CSNK1G2: variants seen among roughly 807,000 people sequenced by gnomAD.
The protein encoded by CSNK1G2 is casein kinase I isoform gamma-2.
In CSNK1G2, 11 loss-of-function variants were observed where a neutral mutation model predicts 48.0. That is an observed-to-expected ratio of 0.23 (90% CI 0.14 to 0.38). The LOEUF (loss-of-function observed/expected upper bound fraction) is 0.38. Ranked by LOEUF, CSNK1G2 falls within the 10% of genes least tolerant of loss-of-function variation. The pLI is 1.00. For missense variants in CSNK1G2, 446 were observed against 595.5 expected (o/e 0.75, Z 2.61); for synonymous variants, 337 against 254.1 (o/e 1.33, Z -3.10).
At chr19:1,946,289 T>TATTTATTTATTATTTATTTA (rs56098852) in intron 1 of CSNK1G2, among the ~76,000 whole-genome samples, 50,009 of 140,264 alleles carry the variant, frequency 0.36, 11,428 homozygotes, top group Non-Finnish European at 0.5. Flanking sequence ...TTTATTTATT[T>TATTTATTTATTATTTATTTA]TTTATTTATT....
In CSNK1G2 at chr19:1,957,060, C is replaced by G. The variant is rs2015023974; in HGVS notation, c.-265-12448C>G. On this transcript the variant is annotated intron_variant, in intron 1 of 11. Coordinates refer to ENST00000255641, the MANE Select transcript of CSNK1G2 (RefSeq NM_001319.7). This position sits in a 1 kb window ranked among gnomAD's most constrained non-coding sequence, Gnocchi z 5.4. ...CCCCTTCGACGGTCGTGCCCTGATG[C>G]TGCGTGGCTTAAACGGTGCCACCCG... Among the ~76,000 whole-genome samples the G allele has an allele frequency of 6.6e-6, 1 of 152,166 alleles. No homozygotes were observed.
In CSNK1G2 at chr19:1,978,762, GC is replaced by G; in HGVS notation, c.447+13del. 6.4e-7 allele frequency: 1 copy of G among 1,552,530 alleles called. No homozygotes were observed. The highest frequency in any genetic ancestry group is 8.7e-7 in the Non-Finnish European group (1 of 1,145,450). On this transcript the variant is annotated intron_variant, in intron 5 of 11. Transcript: ENST00000255641. This position sits in a 1 kb window ranked among gnomAD's most constrained non-coding sequence, Gnocchi z 7.3. ...TCGCCATCCAGCTGGTGCGCGGCGG[GC>G]GGGGCGGGGCGGGGCTCGGAGGGAA...
At chr19:1,943,263 G>A (rs918487100) in intron 1 of CSNK1G2, among the ~76,000 whole-genome samples, 6 of 152,178 alleles carry the variant, frequency 3.9e-5, no homozygotes, top group Admixed American at 6.5e-5. Flanking sequence ...ACTTCCTTGT[G>A]TGTCTAGGGG....
chr19:1,975,240 G>C, intron 2 of CSNK1G2: 7 of 985,486 alleles, frequency 7.1e-6, no homozygotes, highest in Non-Finnish European at 8.4e-6. Context: ...GCATCCGCCT[G>C]CCCGTCAGGG....
In CSNK1G2 at chr19:1,941,963, C is replaced by T. The variant is rs545601972; in HGVS notation, c.-266+545C>T. Among the ~76,000 whole-genome samples, 34 of 152,216 alleles carry T rather than the reference C, an allele frequency of 2.2e-4. No homozygotes were observed. The East Asian group carries it at 6.4e-3, about 29-fold the overall frequency. ...CCCGAGGCCCCTGCCCACCTGGCCC[C>T]ATCGCCTCCTCCTGTCTTGGCCTGG... On this transcript the variant is annotated intron_variant, in intron 1 of 11. Coordinates refer to ENST00000255641, the MANE Select transcript of CSNK1G2 (RefSeq NM_001319.7).
At chr19:1,944,743 AGGGTCTG>A (rs1263545664) in intron 1 of CSNK1G2, among the ~76,000 whole-genome samples, 2 of 151,290 alleles carry the variant, frequency 1.3e-5, no homozygotes, top group South Asian at 2.1e-4. Flanking sequence ...GCTCAAAGTG[AGGGTCTG>A]GGACCACCAG....
intron 2 of CSNK1G2, among the ~76,000 whole-genome samples, chr19:1,977,071 G>A (rs1032254429): frequency 6.6e-6 from 1 of 152,202 alleles, no homozygotes; most frequent in Non-Finnish European, 1.5e-5. Flanking sequence ...TATGCTACTC[G>A]GGCAAAGGCA....
chr19:1,972,938 T>C (rs2015623285), intron 2 of CSNK1G2, among the ~76,000 whole-genome samples: 1 of 149,990 alleles, frequency 6.7e-6, no homozygotes, highest in African/African-American at 2.5e-5. Context: ...TTGTTTTTTT[T>C]TTTTTTTGAG....
intron 2 of CSNK1G2, among the ~76,000 whole-genome samples, chr19:1,971,918 C>T (rs575060570): frequency 4.1e-4 from 62 of 152,134 alleles, no homozygotes; most frequent in Middle Eastern, 3.4e-3. Context: ...TACAGGCGCC[C>T]GCCACCACAC....
chr19:1,943,721 C>T (rs758749109), intron 1 of CSNK1G2, among the ~76,000 whole-genome samples: 8 of 152,132 alleles, frequency 5.3e-5, no homozygotes, highest in Admixed American at 2.0e-4. Flanking sequence ...CTGGGACGGA[C>T]GGAAGCTGAG....
intron 2 of CSNK1G2, chr19:1,976,252 G>C: frequency 3.9e-6 from 2 of 508,002 alleles, no homozygotes. Context: ...AAAACGCGGG[G>C]ACCAGCCCTG....
intron 1 of CSNK1G2, among the ~76,000 whole-genome samples, chr19:1,966,320 C>G (rs150683222): frequency 0.022 from 3,363 of 152,248 alleles, 49 homozygotes; most frequent in South Asian, 0.046. Flanking sequence ...CCTGAAAGAT[C>G]ACTGTGAGGG....
Position 1,979,506 on chromosome 19 carries a change from A to T in CSNK1G2, c.865A>T (p.Thr289Ser). The T allele has an allele frequency of 7.0e-7, 1 of 1,425,596 alleles. No individual in the cohort carries two copies. The highest frequency in any genetic ancestry group is 9.4e-7 in the Non-Finnish European group (1 of 1,068,418). 88.3% of individuals were successfully genotyped at this position (1,425,596 alleles called of 1,614,324 possible). The change falls in exon 9 of 12, where the codon ACG becomes TCG. Residue 289 changes from threonine (T) to serine (S), a missense_variant. By Grantham distance (58) the Thr-to-Ser change is moderately conservative (BLOSUM62 1). Coordinates refer to ENST00000255641, the MANE Select transcript of CSNK1G2 (RefSeq NM_001319.7). ...CGCTCTCTCTGCAGAGGAGATGGCC[A>T]CGTACCTGCGCTATGTGCGGCGCCT... is the stretch of plus-strand genomic sequence containing the variant. ...LCENFPEEMA[T>S]YLRYVRRLDF...
At chr19:1,952,349 G>A (rs575108085) in intron 1 of CSNK1G2, among the ~76,000 whole-genome samples, 1 of 151,832 alleles carries the variant, frequency 6.6e-6, no homozygotes, top group South Asian at 2.1e-4. Flanking sequence ...TTGAGACAGA[G>A]TCTTGCTCTG....
chr19:1,942,499 C>T lies in CSNK1G2; in HGVS notation c.-266+1081C>T, dbSNP rs1031655360. 7 of 152,482 alleles carry T rather than the reference C, an allele frequency of 4.6e-5. No homozygotes were observed. The East Asian group carries it at 1.3e-3, about 29-fold the overall frequency. 9.4% of individuals were successfully genotyped at this position (152,482 alleles called of 1,614,324 possible). The stretch of plus-strand genomic sequence containing the variant: ...GTGTGGCCCAGTGCGCCGGGGCGGT[C>T]CACAAGGCCATGTGGGGCTCTGCCT... On this transcript the variant is annotated intron_variant, in intron 1 of 11. Coordinates refer to ENST00000255641, the MANE Select transcript of CSNK1G2 (RefSeq NM_001319.7).
intron 1 of CSNK1G2, chr19:1,953,952 C>T (rs1312588032): frequency 1.9e-6 from 1 of 533,750 alleles, no homozygotes; most frequent in African/African-American, 1.9e-5. Context: ...AGGTTGGCTT[C>T]TGCCATGGAC....
At chr19:1,954,253 C>T (rs758536126) in intron 1 of CSNK1G2, 3 of 306,652 alleles carry the variant, frequency 9.8e-6, no homozygotes, top group East Asian at 8.1e-5. Context: ...GGCCTGGCCC[C>T]GCTCTGCTGT....
chr19:1,948,554 A>AAT (rs5826751), intron 1 of CSNK1G2, among the ~76,000 whole-genome samples: 3 of 142,296 alleles, frequency 2.1e-5, no homozygotes, highest in African/African-American at 7.8e-5. Flanking sequence ...AAAAAAAAAA[A>AAT]GATCCCGTCA....
rs999319851 is a variant in CSNK1G2, at chr19:1,969,565, G to A, written c.-208G>A. 2 of 394,658 alleles carry A rather than the reference G, an allele frequency of 5.1e-6. No homozygotes were observed. Among genetic ancestry groups the A allele is most frequent in the Non-Finnish European group, 9.0e-6 (2 of 223,198 alleles). The allele number at this position is 394,658 out of a possible 1,614,324, so 24.4% of individuals were successfully genotyped here. ...TGTCAGCAGAATGTCTCCTGCCCCC[G>A]AGAGCGACCCCGAGGCCACTGAGAA... is the stretch of plus-strand genomic sequence containing the variant. On this transcript the variant is annotated 5_prime_UTR_variant, in exon 2 of 12. Coordinates refer to ENST00000255641, the MANE Select transcript of CSNK1G2 (RefSeq NM_001319.7).
Sources: gnomAD v4.1 joint callset for allele counts (sites outside exome capture counted in the v4.1 genomes callset) on GRCh38, gnomAD v4.1.1 for gene constraint, Gnocchi (gnomAD v3.1) non-coding constraint, MANE v1.5 for transcripts, NCBI Gene and HGNC (gene_info 2026-07-23, HGNC 2026-07-21) for gene names.